The following BMX variants were observed in gnomAD, a reference collection of about 807,000 sequenced individuals.
BMX encodes cytoplasmic tyrosine-protein kinase BMX.
Under a neutral mutation model 59.2 loss-of-function variants are expected in BMX, and 31 were observed. The ratio of observed to expected loss-of-function variants is 0.52; its 90% CI spans 0.39 to 0.71. The LOEUF is 0.71. Among genes scored for constraint, BMX ranks in the 30% least tolerant of loss-of-function variants. The pLI is 0.00. For synonymous variants in BMX, 185 were observed against 181.0 expected (o/e 1.02, Z -0.18); for missense variants, 474 against 491.7 (o/e 0.96, Z 0.34).
In BMX at chrX:15,527,246, AAATATATATATATATAT is replaced by A. The variant is rs1569224665; in HGVS notation, c.884+1153_884+1169del. 4.2e-4 allele frequency among the ~76,000 whole-genome samples: 7 copies of A among 16,845 alleles called. 1 individual carries two copies. Among genetic ancestry groups the A allele is most frequent in the East Asian group, 0.022 (1 of 46 alleles). The allele number at this position is 16,845 out of a possible 115,157, so 14.6% of individuals were successfully genotyped here. ...CACAAACACACACACACACACACAC[AAATATATATATATATAT>A]ATATATATATATATATATATACACA... On this transcript the variant is annotated intron_variant, in intron 9 of 18. Transcript: ENST00000348343.
At chrX:15,518,824 T>A (rs996229661) in intron 6 of BMX, among the ~76,000 whole-genome samples, 1 of 111,592 alleles carries the variant, frequency 9.0e-6, no homozygotes, top group African/African-American at 3.3e-5. Context: ...ACTGATTCTT[T>A]ATCTCATGGG....
At chrX:15,518,792 G>A (rs1924292039) in intron 6 of BMX, among the ~76,000 whole-genome samples, 1 of 111,194 alleles carries the variant, frequency 9.0e-6, no homozygotes, top group Admixed American at 9.6e-5. Flanking sequence ...GGTGGTGGTG[G>A]TATCGGAGTG....
intron 16 of BMX, among the ~76,000 whole-genome samples, chrX:15,546,488 A>C (rs1203086644): frequency 4.5e-5 from 5 of 112,241 alleles, no homozygotes; most frequent in African/African-American, 1.6e-4. Flanking sequence ...CAGAAAGTAC[A>C]AAGAAAAATG....
chrX:15,550,665 T>TACACACACACAC (rs58905214), intron 18 of BMX, among the ~76,000 whole-genome samples: 24 of 86,765 alleles, frequency 2.8e-4, no homozygotes, highest in East Asian at 1.6e-3. Context: ...TCAAAGTCTT[T>TACACACACACAC]ACACACACAC....
chrX:15,517,799 TTG>T, intron 5 of BMX, 128 bp from the exon 6 acceptor site: 1 of 541,433 alleles, frequency 1.8e-6, no homozygotes, highest in Non-Finnish European at 3.1e-6. Flanking sequence ...ACTCCAGATG[TTG>T]TGTCTGGATT....
chrX:15,553,234 T>C (rs1477522673), intron 18 of BMX, among the ~76,000 whole-genome samples: 3 of 112,083 alleles, frequency 2.7e-5, no homozygotes, highest in Non-Finnish European at 3.8e-5. Context: ...ACAGGCAGAG[T>C]AGTTGATCTC....
chrX:15,538,558 A>G (rs1419648370), intron 14 of BMX, among the ~76,000 whole-genome samples: 1 of 112,146 alleles, frequency 8.9e-6, no homozygotes, highest in Non-Finnish European at 1.9e-5. Context: ...CATTTCTCTA[A>G]GCACTTTACA....
intron 6 of BMX, 85 bp from the exon 7 acceptor site, chrX:15,522,261 C>A: frequency 9.9e-7 from 1 of 1,005,855 alleles, no homozygotes. Context: ...CTCTCTCTTT[C>A]AAGAGCTGAT....
rs200682960 is a variant in BMX at position 15,551,543 on chromosome X, ATT to A, written c.1953+1558_1953+1559del. Among the ~76,000 whole-genome samples the A allele has an allele frequency of 3.5e-3, 348 of 98,911 alleles. 1 individual carries two copies. The highest frequency in any genetic ancestry group is 0.012 in the African/African-American group (336 of 27,207). 85.9% of individuals were successfully genotyped at this position (98,911 alleles called of 115,157 possible). ...TGTGTGTGTGTGTATATATATATAT[ATT>A]TTTTTTTTTTTACAAAGCATCTATG... On this transcript the variant is annotated intron_variant, in intron 18 of 18. Transcript: ENST00000348343.
intron 4 of BMX, among the ~76,000 whole-genome samples, chrX:15,515,680 A>G (rs746068937): frequency 8.9e-6 from 1 of 111,810 alleles, no homozygotes; most frequent in East Asian, 2.8e-4. Context: ...AATTTTCACA[A>G]TAAAAAGTAG....
At chrX:15,524,055 A>G (rs1367021658) in intron 7 of BMX, among the ~76,000 whole-genome samples, 1 of 112,182 alleles carries the variant, frequency 8.9e-6, no homozygotes, top group Non-Finnish European at 1.9e-5. Flanking sequence ...CTTTTTATCA[A>G]CTTTCTGTCA....
chrX:15,525,208 C>A, intron 7 of BMX, 80 bp from the exon 8 acceptor site: 1 of 959,787 alleles, frequency 1.0e-6, no homozygotes, highest in Non-Finnish European at 1.4e-6. Context: ...TAAAACATAT[C>A]TGAACAAAAT....
chrX:15,518,171 C>T (rs1054646198), intron 6 of BMX, among the ~76,000 whole-genome samples, 178 bp downstream of exon 6: 2 of 110,322 alleles, frequency 1.8e-5, no homozygotes, highest in Admixed American at 1.9e-4. Context: ...AAATATAGAA[C>T]CATTGTAATA....
chrX:15,523,531 G>A (rs1336558170), intron 7 of BMX, among the ~76,000 whole-genome samples: 1 of 111,506 alleles, frequency 9.0e-6, no homozygotes, highest in African/African-American at 3.3e-5. Context: ...AATAAGCCAT[G>A]GTCCCTTTCA....
intron 1 of BMX, among the ~76,000 whole-genome samples, chrX:15,507,921 A>G (rs890402919): frequency 4.5e-5 from 5 of 111,591 alleles, no homozygotes; most frequent in African/African-American, 1.6e-4. Flanking sequence ...TGGTTTGGGT[A>G]ATTTGGTCAA....
chrX:15,534,468 C>A, intron 12 of BMX, 129 bp downstream of exon 12: 1 of 568,922 alleles, frequency 1.8e-6, no homozygotes, highest in Non-Finnish European at 2.5e-6. Context: ...CCTCTCAAGT[C>A]TTTTGCCTAT....
At chrX:15,508,277 G>T (rs1465125782) in intron 1 of BMX, 68 bp from the exon 2 acceptor site, 2 of 756,891 alleles carry the variant, frequency 2.6e-6, no homozygotes, top group African/African-American at 2.2e-5. Context: ...TTGAGGAAAA[G>T]ATATGAAGGT....
At chrX:15,527,225 AAC>A (rs1291868139) in intron 9 of BMX, among the ~76,000 whole-genome samples, 664 of 53,054 alleles carry the variant, frequency 0.013, 26 homozygotes, top group African/African-American at 0.056. Flanking sequence ...AAACAACACA[AAC>A]ACACACACAC....
rs374070980 is a variant in BMX, at chrX:15,531,421, G to A, written c.1019+14G>A. 41 of 1,148,768 alleles carry A rather than the reference G, an allele frequency of 3.6e-5. No individual in the cohort carries two copies. The African/African-American group carries it at 5.2e-4, about 15-fold the overall frequency. The allele number at this position is 1,148,768 out of a possible 1,213,427, so 94.7% of individuals were successfully genotyped here. On this transcript the variant is annotated intron_variant, in intron 11 of 18. Coordinates refer to ENST00000348343, the MANE Select transcript of BMX (RefSeq NM_203281.3). ...TAAGGCTGTGAAGTAAGTATGATAC[G>A]GATTAATTTCTTTTCTCTTTCTGCG... is the stretch of plus-strand genomic sequence containing the variant.
Sources: gnomAD v4.1 joint callset for allele counts (sites outside exome capture counted in the v4.1 genomes callset) on GRCh38, gnomAD v4.1.1 for gene constraint, MANE v1.5 for transcripts, NCBI Gene and HGNC (gene_info 2026-07-23, HGNC 2026-07-21) for gene names.